Variants in SUPT6H observed in about 807,000 individuals in gnomAD.
SUPT6H encodes transcription elongation factor SPT6.
In SUPT6H, 11 loss-of-function variants were observed where a neutral mutation model predicts 222.3. The observed-to-expected ratio is 0.05, with a 90% CI of 0.03 to 0.08. SUPT6H has a LOEUF of 0.08. SUPT6H is among the 10% of genes least tolerant of loss of function. The probability of loss-of-function intolerance (pLI) is 1.00; values close to 1 mark genes in which losing one functional copy is unlikely to be tolerated. For missense variants in SUPT6H, 1,422 were observed against 2,216.0 expected (o/e 0.64, Z 7.19); for synonymous variants, 762 against 801.2 (o/e 0.95, Z 0.83).
chr17:28,679,079 T>C (rs1349276524), intron 11 of SUPT6H, 116 bp downstream of exon 11: 4 of 1,358,324 alleles, frequency 2.9e-6, no homozygotes, highest in East Asian at 4.9e-5. Context: ...CCCTTAGAAA[T>C]CCAACTTGTC....
At chr17:28,683,451 C>A (rs2151635282) in intron 16 of SUPT6H, 29 bp downstream of exon 16, 1 of 1,612,276 alleles carries the variant, frequency 6.2e-7, no homozygotes, top group South Asian at 1.1e-5. Flanking sequence ...TGGCGACTCT[C>A]TGGGGAAGGC....
At chr17:28,682,909 C>T (rs969917717) in intron 14 of SUPT6H, 33 bp from the exon 15 acceptor site, 1 of 1,612,844 alleles carries the variant, frequency 6.2e-7, no homozygotes, top group Non-Finnish European at 8.5e-7. Flanking sequence ...ACCACAACAC[C>T]CTGGTCCTGT....
chr17:28,691,199 G>A, intron 27 of SUPT6H, 136 bp downstream of exon 27: 7 of 1,204,564 alleles, frequency 5.8e-6, no homozygotes, highest in Non-Finnish European at 8.1e-6. Flanking sequence ...AGACGGACGG[G>A]AAACACACAG....
chr17:28,693,886 A>G, intron 28 of SUPT6H, 50 bp downstream of exon 28: 1 of 1,612,256 alleles, frequency 6.2e-7, no homozygotes, highest in Non-Finnish European at 8.5e-7. Context: ...AGCTGCCCAG[A>G]TCAGGTCTCT....
Position 28,674,544 on chromosome 17 carries a change from T to G in SUPT6H, c.276T>G (p.Phe92Leu), listed in dbSNP as rs1410281577. 4 of 1,614,186 alleles carry G rather than the reference T, an allele frequency of 2.5e-6. No individual in the cohort carries two copies. Among genetic ancestry groups the G allele is most frequent in the Non-Finnish European group, 3.4e-6 (4 of 1,180,016 alleles). Residue 92 changes from phenylalanine (F) to leucine (L), a missense_variant, in exon 4 of 37, where the codon TTT becomes TTG. Physicochemically the swap from Phe to Leu is conservative, Grantham distance 22. This residue lies in a region of SUPT6H where 89 missense variants were observed against 118.9 expected (regional missense o/e 0.75). Transcript: ENST00000314616. Reference protein sequence around the residue: ...VGHKKRKRTSFDDRLEDDDFD... With the variant: ...VGHKKRKRTSLDDRLEDDDFD... The stretch of plus-strand genomic sequence containing the variant: ...AACACTTTGTTTCTTCAGCCTCTTT[T>G]GATGACCGCCTGGAGGATGATGATT...
chr17:28,670,779 G>A, intron 1 of SUPT6H: 1 of 152,404 alleles, frequency 6.6e-6, no homozygotes, highest in Non-Finnish European at 1.5e-5. Context: ...CAGCTACTCG[G>A]GAGGCTGAGG....
chr17:28,679,676 G>A (rs1180367677), intron 11 of SUPT6H, among the ~76,000 whole-genome samples: 2 of 151,580 alleles, frequency 1.3e-5, no homozygotes, highest in African/African-American at 4.8e-5. Context: ...CACTGCGCCC[G>A]GCCGATCCTG....
intron 19 of SUPT6H, among the ~76,000 whole-genome samples, chr17:28,685,189 G>A (rs967137051): frequency 6.6e-6 from 1 of 152,168 alleles, no homozygotes; most frequent in Non-Finnish European, 1.5e-5. Flanking sequence ...GGCCTTGTGT[G>A]CTTCTGGAGT....
At position 28,678,621 on chromosome 17, in the gene SUPT6H, A is replaced by T. The variant is rs561497186; in HGVS notation, c.1193A>T (p.Gln398Leu). The T allele has an allele frequency of 5.8e-5, 93 of 1,614,188 alleles. No individual in the cohort carries two copies. In the Admixed American group the frequency reaches 1.5e-3, roughly 26 times the overall value. ...ATCAATGACCTATGGAGAGTCTGGC[A>T]GTGGGATGAAAAGGTAATGTAGATC... is the stretch of plus-strand genomic sequence containing the variant. ...LHINDLWRVW[Q>L]WDEKWTQLRI... The change falls in exon 10 of 37, where the codon CAG (glutamine) becomes CTG (leucine). Residue 398 changes from glutamine (Q) to leucine (L), a missense_variant. Gln to Leu is a moderately radical substitution (Grantham distance 113). Coordinates refer to ENST00000314616, the MANE Select transcript of SUPT6H (RefSeq NM_003170.5).
chr17:28,668,220 A>G (rs56300769), intron 1 of SUPT6H, among the ~76,000 whole-genome samples: 112 of 152,342 alleles, frequency 7.4e-4, no homozygotes, highest in Non-Finnish European at 1.3e-3. Flanking sequence ...TTTAACTTAC[A>G]GTGTGAGTAT....
chr17:28,674,768 C>A, intron 4 of SUPT6H, 155 bp downstream of exon 4: 1 of 899,460 alleles, frequency 1.1e-6, no homozygotes, highest in Non-Finnish European at 1.7e-6. Flanking sequence ...GATTTGCATC[C>A]CAGATCTGGG....
In SUPT6H at chr17:28,673,422, C is replaced by T. The variant is rs375207346; in HGVS notation, c.21C>T (p.Ser7=). The change falls in exon 2 of 37, where the codon AGC becomes AGT. Residue 7 remains serine (S), a synonymous_variant. Coordinates refer to ENST00000314616, the MANE Select transcript of SUPT6H (RefSeq NM_003170.5). ...CAGCAATGTCTGATTTTGTGGAAAGCGAGGCTGAGGAGTCAGAGGAAGAAT... is the reference window on the plus strand; with the variant it reads ...CAGCAATGTCTGATTTTGTGGAAAGTGAGGCTGAGGAGTCAGAGGAAGAAT... MSDFVE[S]EAEESEEEYN... is the part of the protein sequence containing the mutation. The T allele has an allele frequency of 6.8e-6, 11 of 1,613,746 alleles. No homozygotes were observed. The highest frequency in any genetic ancestry group is 1.7e-5 in the Admixed American group (1 of 59,988).
chr17:28,700,414 G>T lies in SUPT6H; in HGVS notation c.4708G>T (p.Val1570Leu). The change falls in exon 35 of 37, where the codon GTG (valine) becomes TTG (leucine). Residue 1570 changes from valine (V) to leucine (L), a missense_variant. Val to Leu is a conservative substitution (Grantham distance 32, BLOSUM62 1). Transcript: ENST00000314616. ...TSQMFSAIAA[V>L]TGQGQNPNAT... ...ACAGATGTTCAGTGCCATTGCTGCGGTGACAGGCCAAGGACAGAACCCTAA... is the reference window on the plus strand; with the variant it reads ...ACAGATGTTCAGTGCCATTGCTGCGTTGACAGGCCAAGGACAGAACCCTAA... 1 of 1,614,256 alleles carries T rather than the reference G, an allele frequency of 6.2e-7. No individual in the cohort carries two copies. Among genetic ancestry groups the T allele is most frequent in the Non-Finnish European group, 8.5e-7 (1 of 1,180,054 alleles).
At position 28,676,144 on chromosome 17, in the gene SUPT6H, C is replaced by T; in HGVS notation, c.624-13C>T. Reference sequence around the variant, plus strand: ...CTGAACCTGAGCCACCTGCCTCTTGCTGCCACCTACAGGGCCCTGCAAGAA... The same window carrying T: ...CTGAACCTGAGCCACCTGCCTCTTGTTGCCACCTACAGGGCCCTGCAAGAA... On this transcript the variant is annotated splice_polypyrimidine_tract_variant and intron_variant, in intron 6 of 36. Coordinates refer to ENST00000314616, the MANE Select transcript of SUPT6H (RefSeq NM_003170.5). 6.4e-7 allele frequency: 1 copy of T among 1,559,772 alleles called. No individual in the cohort carries two copies. Among genetic ancestry groups the T allele is most frequent in the Non-Finnish European group, 8.7e-7 (1 of 1,155,536 alleles).
chr17:28,700,516 T>C lies in SUPT6H; in HGVS notation c.4806+4T>C. ...AGGCGGCAGCAGTGCTTACCACGTA[T>C]GTGGCTTGGGGAGGAAGCTCCCTGT... is the stretch of plus-strand genomic sequence containing the variant. On this transcript the variant is annotated splice_donor_region_variant and intron_variant, in intron 35 of 36. Transcript: ENST00000314616. 1 of 1,612,810 alleles carries C rather than the reference T, an allele frequency of 6.2e-7. No homozygotes were observed. The highest frequency in any genetic ancestry group is 8.5e-7 in the Non-Finnish European group (1 of 1,179,188).
At chr17:28,677,519 T>G (rs2030827306) in intron 7 of SUPT6H, among the ~76,000 whole-genome samples, 196 bp from the exon 8 acceptor site, 1 of 151,742 alleles carries the variant, frequency 6.6e-6, no homozygotes, top group South Asian at 2.1e-4. Flanking sequence ...TGTTCCAGCC[T>G]GAGCAACAAG....
intron 10 of SUPT6H, 38 bp from the exon 11 acceptor site, chr17:28,678,783 T>C (rs1161860935): frequency 9.3e-6 from 15 of 1,613,884 alleles, no homozygotes; most frequent in Admixed American, 8.3e-5. Context: ...TCTCCAGGGC[T>C]GAACACAAGC....
Position 28,700,421 on chromosome 17 carries a change from G to A in SUPT6H, c.4715G>A (p.Gly1572Asp). 6.2e-7 allele frequency: 1 copy of A among 1,614,220 alleles called. No individual in the cohort carries two copies. Among genetic ancestry groups the A allele is most frequent in the Non-Finnish European group, 8.5e-7 (1 of 1,180,038 alleles). The change falls in exon 35 of 37, where the codon GGC becomes GAC. Residue 1572 changes from glycine (G) to aspartate (D), a missense_variant. By Grantham distance (94) the Gly-to-Asp change is moderately conservative (BLOSUM62 -1). Coordinates refer to ENST00000314616, the MANE Select transcript of SUPT6H (RefSeq NM_003170.5). Reference protein sequence around the residue: ...QMFSAIAAVTGQGQNPNATPA... With the variant: ...QMFSAIAAVTDQGQNPNATPA... ...TTCAGTGCCATTGCTGCGGTGACAG[G>A]CCAAGGACAGAACCCTAATGCCACC...
Position 28,692,925 on chromosome 17 carries a change from C to T in SUPT6H, c.3634-771C>T, listed in dbSNP as rs1251517342. 8.9e-5 allele frequency among the ~76,000 whole-genome samples: 13 copies of T among 146,760 alleles called. 2 individuals are homozygous for T. The highest frequency in any genetic ancestry group is 8.2e-4 in the Admixed American group (12 of 14,604). ...CAGAGGCAGGAGAATGGCGTGAACC[C>T]GGGAGGCAGAGCTTGCAGTGAGCCA... On this transcript the variant is annotated intron_variant, in intron 27 of 36. Transcript: ENST00000314616.
Sources: gnomAD v4.1 joint callset for allele counts (sites outside exome capture counted in the v4.1 genomes callset) on GRCh38, gnomAD v4.1.1 for gene constraint, gnomAD v4.1.1 regional missense constraint, MANE v1.5 for transcripts, NCBI Gene and HGNC (gene_info 2026-07-23, HGNC 2026-07-21) for gene names.